LHFPL3: variants seen among roughly 807,000 people sequenced by gnomAD.
LHFPL3 encodes the protein LHFPL tetraspan subfamily member 3.
In LHFPL3, 5 loss-of-function variants were observed where a neutral mutation model predicts 19.3. The ratio of observed to expected loss-of-function variants is 0.26; its 90% CI spans 0.14 to 0.54. The LOEUF (loss-of-function observed/expected upper bound fraction) is 0.54, where lower values mean the gene tolerates loss of function less well. Among genes scored for constraint, LHFPL3 ranks in the 20% least tolerant of loss-of-function variants. LHFPL3 has a pLI of 0.94. For missense variants in LHFPL3, 249 were observed against 307.4 expected, an observed-to-expected ratio of 0.81 and a Z score of 1.42; for synonymous variants, 133 against 126.2, an observed-to-expected ratio of 1.05 and a Z score of -0.36.
intron 1 of LHFPL3, among the ~76,000 whole-genome samples, chr7:104,570,295 A>G (rs1790208804): frequency 6.6e-6 from 1 of 152,180 alleles, no homozygotes. Flanking sequence ...TGGTGGCACC[A>G]CACTTTGGCC....
intron 1 of LHFPL3, among the ~76,000 whole-genome samples, chr7:104,425,475 G>A (rs114106752): frequency 0.015 from 2,262 of 152,110 alleles, 61 homozygotes; most frequent in African/African-American, 0.052. Flanking sequence ...GTACACATTA[G>A]GTGCTCAATA....
intron 2 of LHFPL3, among the ~76,000 whole-genome samples, chr7:104,756,051 G>T (rs1459394228): frequency 6.6e-6 from 1 of 152,060 alleles, no homozygotes; most frequent in Non-Finnish European, 1.5e-5. Context: ...CTTGCTATGG[G>T]GCCAGGGGTT....
At position 104,599,977 on chromosome 7, in the gene LHFPL3, A is replaced by C. The variant is rs556129797; in HGVS notation, c.446-136698A>C. Among the ~76,000 whole-genome samples, 4 of 152,228 alleles carry C rather than the reference A, an allele frequency of 2.6e-5. No homozygotes were observed. The East Asian group carries it at 7.8e-4, about 30-fold the overall frequency. Reference sequence around the variant, plus strand: ...TACTAAGGACTTCCCTGGCCCTTCAACTCTGGTCCCTGACCAGCCTTGTAG... The same window carrying C: ...TACTAAGGACTTCCCTGGCCCTTCACCTCTGGTCCCTGACCAGCCTTGTAG... On this transcript the variant is annotated intron_variant, in intron 1 of 2. Transcript: ENST00000424859.
intron 1 of LHFPL3, among the ~76,000 whole-genome samples, chr7:104,579,196 C>T (rs1410075271): frequency 1.3e-5 from 2 of 152,110 alleles, no homozygotes; most frequent in Non-Finnish European, 2.9e-5. Context: ...AGTACGTGTG[C>T]AGGTTTGTTG....
intron 1 of LHFPL3, among the ~76,000 whole-genome samples, chr7:104,348,004 A>G (rs984949111): frequency 2.0e-5 from 3 of 152,216 alleles, no homozygotes; most frequent in Admixed American, 6.5e-5. Flanking sequence ...TCAGCTCTTT[A>G]TAGAGAAAGG....
At chr7:104,711,737 C>T (rs139519960) in intron 1 of LHFPL3, among the ~76,000 whole-genome samples, 104 of 152,202 alleles carry the variant, frequency 6.8e-4, no homozygotes, top group African/African-American at 2.4e-3. Context: ...AATCAAGAAA[C>T]GAGACAGAAC....
intron 2 of LHFPL3, among the ~76,000 whole-genome samples, chr7:104,811,546 A>G (rs1426983963): frequency 2.0e-5 from 3 of 152,132 alleles, no homozygotes; most frequent in Non-Finnish European, 2.9e-5. Flanking sequence ...GCAAGGATGG[A>G]TGAGCATACA....
chr7:104,670,351 T>C (rs1212253970), intron 1 of LHFPL3, among the ~76,000 whole-genome samples: 1 of 152,314 alleles, frequency 6.6e-6, no homozygotes, highest in African/African-American at 2.4e-5. Context: ...CCGGAAGCAC[T>C]TGGGGGTCGT....
chr7:104,641,140 A>G (rs1001212710), intron 1 of LHFPL3, among the ~76,000 whole-genome samples: 3 of 152,186 alleles, frequency 2.0e-5, no homozygotes, highest in African/African-American at 7.2e-5. Context: ...ATTATTTCCT[A>G]GACAGTATAT....
At chr7:104,707,084 A>T (rs1384685564) in intron 1 of LHFPL3, among the ~76,000 whole-genome samples, 2 of 152,216 alleles carry the variant, frequency 1.3e-5, no homozygotes, top group Non-Finnish European at 2.9e-5. Flanking sequence ...CAGAGGGGCA[A>T]CTGCATCATC....
At chr7:104,864,388 GGC>G (rs1791678952) in intron 2 of LHFPL3, among the ~76,000 whole-genome samples, 1 of 152,150 alleles carries the variant, frequency 6.6e-6, no homozygotes, top group African/African-American at 2.4e-5. Flanking sequence ...GGTGACAGAT[GGC>G]ACCTGGAAAA....
chr7:104,426,277 A>C lies in LHFPL3; in HGVS notation c.445+97053A>C, dbSNP rs192643762. ...GTTTGTTTGTTTGTTTGTTTTTGAG[A>C]TGGAGTTTTGCCCTTGTTGCCCAGG... is the stretch of plus-strand genomic sequence containing the variant. On this transcript the variant is annotated intron_variant, in intron 1 of 2. Transcript: ENST00000424859. 3.8e-4 allele frequency among the ~76,000 whole-genome samples: 57 copies of C among 150,302 alleles called. 1 individual carries two copies. In the East Asian group the frequency reaches 0.01, roughly 27 times the overall value.
At chr7:104,646,552 T>G (rs1393726031) in intron 1 of LHFPL3, among the ~76,000 whole-genome samples, 1 of 152,232 alleles carries the variant, frequency 6.6e-6, no homozygotes, top group Non-Finnish European at 1.5e-5. Context: ...AAATAAATTC[T>G]AAACTCAATA....
intron 1 of LHFPL3, among the ~76,000 whole-genome samples, chr7:104,645,820 C>T (rs1434765273): frequency 6.6e-6 from 1 of 152,038 alleles, no homozygotes; most frequent in East Asian, 1.9e-4. Flanking sequence ...GCCACCACAC[C>T]TGGCTAATTT....
intron 1 of LHFPL3, among the ~76,000 whole-genome samples, chr7:104,456,314 C>T (rs1023423351): frequency 6.6e-6 from 1 of 152,016 alleles, no homozygotes; most frequent in Non-Finnish European, 1.5e-5. Context: ...AGTAAAAGGC[C>T]GAAATGCATA....
At chr7:104,404,120 C>A (rs1791371460) in intron 1 of LHFPL3, among the ~76,000 whole-genome samples, 1 of 152,168 alleles carries the variant, frequency 6.6e-6, no homozygotes, top group Non-Finnish European at 1.5e-5. Context: ...ACAGAAAAAA[C>A]TTGCTAACCC....
intron 1 of LHFPL3, among the ~76,000 whole-genome samples, chr7:104,582,512 G>A (rs1790478853): frequency 1.3e-5 from 2 of 151,926 alleles, no homozygotes; most frequent in African/African-American, 4.8e-5. Flanking sequence ...TTGAACATGA[G>A]TAATAAGGGT....
intron 1 of LHFPL3, among the ~76,000 whole-genome samples, chr7:104,562,786 T>C (rs1487360968): frequency 6.6e-6 from 1 of 151,728 alleles, no homozygotes; most frequent in East Asian, 1.9e-4. Flanking sequence ...AGTTTTTCTG[T>C]TCTGTTTTTT....
At chr7:104,668,194 C>T (rs953044632) in intron 1 of LHFPL3, 83 of 1,613,558 alleles carry the variant, frequency 5.1e-5, no homozygotes, top group Middle Eastern at 1.7e-4. Context: ...GACCTGGATT[C>T]CCTGCTCAGT....
Sources: gnomAD v4.1 joint callset for allele counts (sites outside exome capture counted in the v4.1 genomes callset) on GRCh38, gnomAD v4.1.1 for gene constraint, MANE v1.5 for transcripts, NCBI Gene and HGNC (gene_info 2026-07-23, HGNC 2026-07-21) for gene names.